Variants in AKAP19 observed in about 807,000 individuals in gnomAD.
AKAP19 encodes A-kinase anchoring protein 19, also known as small A-kinase anchoring protein.
the AKAP19 span, among the ~76,000 whole-genome samples, chr2:190,163,600 G>A: frequency 1.3e-5 from 2 of 152,056 alleles, no homozygotes; most frequent in Admixed American, 1.3e-4. Flanking sequence ...CTAATTACCA[G>A]GCACTCAACT....
the AKAP19 span, chr2:190,180,880 T>A: frequency 2.0e-6 from 2 of 985,104 alleles, no homozygotes; most frequent in East Asian, 1.1e-4. This position sits in a 1 kb window ranked among gnomAD's most constrained non-coding sequence, Gnocchi z 6.8. Flanking sequence ...GCCACTTGGC[T>A]GAGCCGGGCG....
the AKAP19 span, among the ~76,000 whole-genome samples, chr2:190,191,786 T>C: frequency 1.3e-5 from 2 of 152,256 alleles, no homozygotes; most frequent in Admixed American, 1.3e-4. Context: ...TGCCTAAATC[T>C]TTCAAATCTC....
At chr2:190,102,189 G>C in the AKAP19 span, among the ~76,000 whole-genome samples, 1 of 152,216 alleles carries the variant, frequency 6.6e-6, no homozygotes, top group East Asian at 1.9e-4. Context: ...AGCAAAAGCA[G>C]TCTTAAGAGG....
the AKAP19 span, among the ~76,000 whole-genome samples, chr2:190,006,850 C>G: frequency 4.0e-5 from 6 of 151,800 alleles, no homozygotes; most frequent in Admixed American, 6.6e-5. Flanking sequence ...AACCACGACT[C>G]TACTAAAAAT....
chr2:189,973,269 T>C, the AKAP19 span, among the ~76,000 whole-genome samples: 1 of 152,216 alleles, frequency 6.6e-6, no homozygotes, highest in Non-Finnish European at 1.5e-5. Flanking sequence ...TAGTTCTGTT[T>C]ATATGCTGGA....
the AKAP19 span, among the ~76,000 whole-genome samples, chr2:189,903,497 C>A: frequency 6.6e-6 from 1 of 151,716 alleles, no homozygotes; most frequent in Non-Finnish European, 1.5e-5. Flanking sequence ...TTTGTAGAAT[C>A]AATAATGAAC....
At chr2:189,946,547 C>G in the AKAP19 span, among the ~76,000 whole-genome samples, 1 of 151,666 alleles carries the variant, frequency 6.6e-6, no homozygotes, top group Non-Finnish European at 1.5e-5. Flanking sequence ...ATTGTAGTAC[C>G]AAAAAAAGAA....
chr2:190,073,496 TG>T, the AKAP19 span, among the ~76,000 whole-genome samples: 2 of 152,066 alleles, frequency 1.3e-5, no homozygotes, highest in African/African-American at 2.4e-5. Flanking sequence ...TTATTTACTG[TG>T]GGTCGCAATC....
the AKAP19 span, among the ~76,000 whole-genome samples, chr2:189,963,041 C>G: frequency 6.6e-6 from 1 of 152,008 alleles, no homozygotes; most frequent in Non-Finnish European, 1.5e-5. Context: ...ATTCTAAATC[C>G]TTTGTTGTCA....
chr2:190,126,221 G>A, the AKAP19 span, among the ~76,000 whole-genome samples: 1 of 139,666 alleles, frequency 7.2e-6, no homozygotes, highest in Non-Finnish European at 1.5e-5. Context: ...AATCCTGGAG[G>A]TGGAGGTTGC....
the AKAP19 span, among the ~76,000 whole-genome samples, chr2:189,901,420 C>T: frequency 2.0e-5 from 3 of 152,150 alleles, no homozygotes; most frequent in Admixed American, 2.0e-4. Context: ...CTCACTGCAA[C>T]CTCTGCCTCT....
the AKAP19 span, among the ~76,000 whole-genome samples, chr2:189,947,215 A>G: frequency 1.1e-4 from 17 of 152,338 alleles, no homozygotes; most frequent in South Asian, 1.0e-3. Flanking sequence ...CCATATGAAG[A>G]ACTAGTAACA....
the AKAP19 span, among the ~76,000 whole-genome samples, chr2:190,119,102 T>C: frequency 6.6e-6 from 1 of 152,140 alleles, no homozygotes; most frequent in African/African-American, 2.4e-5. Context: ...AAATCATGAG[T>C]GAACTCCCAT....
chr2:190,008,124 T>C, the AKAP19 span, among the ~76,000 whole-genome samples: 1 of 152,244 alleles, frequency 6.6e-6, no homozygotes. Context: ...ACCGACTTTT[T>C]AAAATGTAAC....
the AKAP19 span, among the ~76,000 whole-genome samples, chr2:190,070,617 C>G: frequency 3.8e-4 from 47 of 123,960 alleles, no homozygotes; most frequent in East Asian, 1.5e-3. Context: ...CTCTCTCTCC[C>G]CCCCCCCTTT....
chr2:190,051,822 TTTTATTTA>T, the AKAP19 span, among the ~76,000 whole-genome samples: 11 of 149,658 alleles, frequency 7.4e-5, no homozygotes, highest in South Asian at 2.1e-4. Flanking sequence ...TTTTTTTATT[TTTTATTTA>T]TTTATTTATT....
At chr2:189,991,945 G>T in the AKAP19 span, among the ~76,000 whole-genome samples, 1 of 151,880 alleles carries the variant, frequency 6.6e-6, no homozygotes, top group Admixed American at 6.6e-5. Flanking sequence ...ACCATTTGTT[G>T]AATAGGGTGT....
At chr2:190,166,921 AT>A in the AKAP19 span, among the ~76,000 whole-genome samples, 2 of 152,150 alleles carry the variant, frequency 1.3e-5, no homozygotes, top group Non-Finnish European at 2.9e-5. Context: ...AGAAAAATGA[AT>A]GACATGAGGA....
At chr2:190,096,254 T>C in the AKAP19 span, among the ~76,000 whole-genome samples, 1 of 152,082 alleles carries the variant, frequency 6.6e-6, no homozygotes, top group Non-Finnish European at 1.5e-5. Flanking sequence ...AAGAGAAACA[T>C]ACAGGAAAGG....
Sources: allele counts gnomAD v4.1 joint callset (sites outside exome capture counted in the v4.1 genomes callset), GRCh38; gene constraint gnomAD v4.1.1; non-coding constraint Gnocchi (gnomAD v3.1); transcripts MANE v1.5; gene names NCBI Gene and HGNC (gene_info 2026-07-23, HGNC 2026-07-21).